The following PAPPA2 variants were observed in gnomAD, a reference collection of about 807,000 sequenced individuals.
The protein encoded by PAPPA2 is pappalysin 2.
A neutral mutation model predicts 176.4 loss-of-function variants in PAPPA2; 86 were observed. The ratio of observed to expected loss-of-function variants is 0.49; its 90% CI spans 0.41 to 0.58. PAPPA2 has a LOEUF of 0.58. Ranked by LOEUF, PAPPA2 falls within the 20% of genes least tolerant of loss-of-function variation. The probability of loss-of-function intolerance (pLI) is 0.00; values close to 1 mark genes in which losing one functional copy is unlikely to be tolerated. For missense variants in PAPPA2, 2,073 were observed against 2,256.9 expected, an observed-to-expected ratio of 0.92 and a Z score of 1.65; for synonymous variants, 809 against 852.2, an observed-to-expected ratio of 0.95 and a Z score of 0.88.
chr1:176,497,095 T>A (rs6658885), intron 1 of PAPPA2, among the ~76,000 whole-genome samples: 12,227 of 152,202 alleles, frequency 0.08, 611 homozygotes, highest in South Asian at 0.16. Context: ...TACTTAGAAA[T>A]ATTGTGTTGC....
intron 1 of PAPPA2, among the ~76,000 whole-genome samples, chr1:176,528,408 C>G (rs1479576373): frequency 6.6e-6 from 1 of 152,196 alleles, no homozygotes; most frequent in Admixed American, 6.5e-5. Context: ...TGTGATGTTT[C>G]TTATACCTAA....
chr1:176,646,683 T>G (rs1657416221), intron 3 of PAPPA2, among the ~76,000 whole-genome samples: 1 of 151,570 alleles, frequency 6.6e-6, no homozygotes, highest in Non-Finnish European at 1.5e-5. Context: ...TGTGCTTGGC[T>G]TATTTCACTT....
chr1:176,811,184 T>C (rs1447698126), intron 21 of PAPPA2, among the ~76,000 whole-genome samples: 1 of 152,206 alleles, frequency 6.6e-6, no homozygotes, highest in African/African-American at 2.4e-5. Context: ...TCTCTATGAA[T>C]TCTTATTATA....
At chr1:176,761,975 C>T (rs769405353) in intron 14 of PAPPA2, among the ~76,000 whole-genome samples, 11 of 152,028 alleles carry the variant, frequency 7.2e-5, no homozygotes, top group Non-Finnish European at 5.9e-5. Context: ...GAGAATGTAC[C>T]GGGAGGGTGG....
At chr1:176,827,916 T>TA (rs1229395747) in intron 21 of PAPPA2, among the ~76,000 whole-genome samples, 1 of 152,288 alleles carries the variant, frequency 6.6e-6, no homozygotes, top group African/African-American at 2.4e-5. Flanking sequence ...ATTTTTCCTT[T>TA]AAAAAATACT....
chr1:176,739,987 T>C lies in PAPPA2; in HGVS notation c.3942T>C (p.Tyr1314=). The change falls in exon 14 of 23, where the codon TAT becomes TAC. Residue 1314 remains tyrosine (Y), a synonymous_variant. Coordinates refer to ENST00000367662, the MANE Select transcript of PAPPA2 (RefSeq NM_020318.3). The part of the protein sequence containing the change: ...VRGSNHSLGT[Y]GLSCQHNPLI... ...ATCTCCGTTTATCTTCAGGAACCTA[T>C]GGACTGTCATGCCAGCATAATCCAC... 1.9e-6 allele frequency: 3 copies of C among 1,613,882 alleles called. No homozygotes were observed. Among genetic ancestry groups the C allele is most frequent in the Non-Finnish European group, 2.5e-6 (3 of 1,179,794 alleles).
chr1:176,789,059 G>T (rs568511083), intron 17 of PAPPA2, among the ~76,000 whole-genome samples: 2 of 152,250 alleles, frequency 1.3e-5, no homozygotes, highest in African/African-American at 4.8e-5. Context: ...GTTGTACTTA[G>T]ATGTGAGTCT....
chr1:176,720,305 T>C (rs543883759), intron 12 of PAPPA2, among the ~76,000 whole-genome samples: 5 of 152,326 alleles, frequency 3.3e-5, no homozygotes, highest in Admixed American at 2.6e-4. Flanking sequence ...TTTATATTTG[T>C]GTATTGTGTC....
intron 3 of PAPPA2, among the ~76,000 whole-genome samples, chr1:176,623,577 TCC>T (rs1655724337): frequency 1.7e-4 from 3 of 17,844 alleles, no homozygotes; most frequent in African/African-American, 5.3e-4. Flanking sequence ...CTTCCTTCCC[TCC>T]TTCCTTCCTT....
chr1:176,589,470 G>A (rs146267378), intron 2 of PAPPA2, among the ~76,000 whole-genome samples: 1 of 152,178 alleles, frequency 6.6e-6, no homozygotes, highest in Non-Finnish European at 1.5e-5. Context: ...AAGGTAAGGT[G>A]CTTAAACAGT....
At position 176,843,883 on chromosome 1, in the gene PAPPA2, A is replaced by C. The variant is rs566433493; in HGVS notation, c.*1429A>C. On this transcript the variant is annotated 3_prime_UTR_variant, in exon 23 of 23. Transcript: ENST00000367662. ...TGAGCCAGAGATTTTGACTTGAGCA[A>C]GCCATGGAAATGCATGGAGCAAGGG... 6.6e-6 allele frequency: 1 copy of C among 152,284 alleles called. No individual in the cohort carries two copies. Among genetic ancestry groups the C allele is most frequent in the African/African-American group, 2.4e-5 (1 of 41,562 alleles). 9.4% of individuals were successfully genotyped at this position (152,284 alleles called of 1,614,324 possible). A position where few individuals can be genotyped will look rare whatever the true frequency, so the allele number is the denominator to read the frequency against.
Position 176,815,376 on chromosome 1 carries a change from C to T in PAPPA2, c.5202+15244C>T, listed in dbSNP as rs547263030. On this transcript the variant is annotated intron_variant, in intron 21 of 22. Transcript: ENST00000367662. Reference sequence around the variant, plus strand: ...CCTAGTTTGAAAAGCTAGTTCACACCTCTAGGTTTATTTGGAAGACTAGCA... The same window carrying T: ...CCTAGTTTGAAAAGCTAGTTCACACTTCTAGGTTTATTTGGAAGACTAGCA... Among the ~76,000 whole-genome samples the T allele has an allele frequency of 2.6e-5, 4 of 152,096 alleles. No individual in the cohort carries two copies. The South Asian group carries it at 8.3e-4, about 32-fold the overall frequency.
At chr1:176,727,352 A>G (rs1471302415) in intron 12 of PAPPA2, among the ~76,000 whole-genome samples, 1 of 152,144 alleles carries the variant, frequency 6.6e-6, no homozygotes, top group Non-Finnish European at 1.5e-5. Context: ...TGTACATCAA[A>G]CAAAAGGGTG....
chr1:176,695,820 T>A lies in PAPPA2; in HGVS notation c.2707T>A (p.Cys903Ser). 1 of 1,614,084 alleles carries A rather than the reference T, an allele frequency of 6.2e-7. No homozygotes were observed. Among genetic ancestry groups the A allele is most frequent in the Non-Finnish European group, 8.5e-7 (1 of 1,180,010 alleles). Reference protein sequence around the residue: ...YVHTASSRRVCDSSGYWTPEE... With the variant: ...YVHTASSRRVSDSSGYWTPEE... ...GCACACAGCTTCCTCCCGGCGGGTGTGTGACTCCTCAGGTTATTGGACCCC... is the reference window on the plus strand; with the variant it reads ...GCACACAGCTTCCTCCCGGCGGGTGAGTGACTCCTCAGGTTATTGGACCCC... Residue 903 changes from cysteine to serine, a missense_variant, in exon 7 of 23, where the codon TGT becomes AGT. By Grantham distance (112) the Cys-to-Ser change is moderately radical. Around this residue, in one of 4 missense-constraint regions of PAPPA2, gnomAD observed 1,196 missense variants for 1,330.4 expected, o/e 0.90. Coordinates refer to ENST00000367662, the MANE Select transcript of PAPPA2 (RefSeq NM_020318.3).
chr1:176,607,825 T>A (rs1654701117), intron 3 of PAPPA2, among the ~76,000 whole-genome samples: 1 of 152,222 alleles, frequency 6.6e-6, no homozygotes, highest in Non-Finnish European at 1.5e-5. Context: ...TTTTTATTAG[T>A]GTACTTTTAA....
chr1:176,620,480 T>C (rs1344814417), intron 3 of PAPPA2, among the ~76,000 whole-genome samples: 1 of 152,202 alleles, frequency 6.6e-6, no homozygotes, highest in African/African-American at 2.4e-5. Context: ...AAATCACATT[T>C]CTTCTATAAT....
At chr1:176,643,331 A>T (rs1202885423) in intron 3 of PAPPA2, among the ~76,000 whole-genome samples, 1 of 151,820 alleles carries the variant, frequency 6.6e-6, no homozygotes, top group Admixed American at 6.6e-5. Flanking sequence ...GAGATTAGTG[A>T]ATATTTCTGT....
chr1:176,549,139 T>A (rs1650797486), intron 1 of PAPPA2, among the ~76,000 whole-genome samples: 1 of 152,248 alleles, frequency 6.6e-6, no homozygotes, highest in Admixed American at 6.5e-5. Flanking sequence ...ATGTGTTCTA[T>A]ATTTGAGTTG....
In PAPPA2 at chr1:176,610,845, G is replaced by C. The variant is rs146453552; in HGVS notation, c.1991+15250G>C. Among the ~76,000 whole-genome samples, 35 of 152,142 alleles carry C rather than the reference G, an allele frequency of 2.3e-4. 2 individuals carry two copies. In the East Asian group the frequency reaches 6.8e-3, roughly 29 times the overall value. On this transcript the variant is annotated intron_variant, in intron 3 of 22. Coordinates refer to ENST00000367662, the MANE Select transcript of PAPPA2 (RefSeq NM_020318.3). ...ATTTATTTATTCATTTACTCATTCA[G>C]TTTATAATAAACATTTATTGAGTAT...
Sources: allele counts gnomAD v4.1 joint callset (sites outside exome capture counted in the v4.1 genomes callset), GRCh38; gene constraint gnomAD v4.1.1; regional missense constraint gnomAD v4.1.1; transcripts MANE v1.5; gene names NCBI Gene and HGNC (gene_info 2026-07-23, HGNC 2026-07-21).